AUH: variants seen among roughly 807,000 people sequenced by gnomAD.
AUH encodes methylglutaconyl-CoA hydratase, mitochondrial.
In AUH, 29 loss-of-function variants were observed where a neutral mutation model predicts 42.3. The ratio of observed to expected loss-of-function variants is 0.69; its 90% CI spans 0.51 to 0.93. The LOEUF is 0.93. Among genes scored for constraint, AUH ranks in the 40% least tolerant of loss-of-function variants. AUH has a pLI of 0.00. For synonymous variants in AUH, 174 were observed against 166.4 expected (o/e 1.05, Z -0.35); for missense variants, 452 against 438.1 (o/e 1.03, Z -0.28).
chr9:91,347,640 G>C (rs1275505390), intron 3 of AUH, among the ~76,000 whole-genome samples: 2 of 152,060 alleles, frequency 1.3e-5, no homozygotes, highest in Non-Finnish European at 2.9e-5. Context: ...CCAAGAACAA[G>C]GGCAAAGACC....
chr9:91,254,183 G>C lies in AUH; in HGVS notation c.656-33191C>G, dbSNP rs115105259. On this transcript the variant is annotated intron_variant, in intron 6 of 9. Transcript: ENST00000375731. ...CATCTGTGAAGAATATCTCTGGATGGTGTGCACAAACTTACTGGTTGACTT... is the reference window on the plus strand; with the variant it reads ...CATCTGTGAAGAATATCTCTGGATGCTGTGCACAAACTTACTGGTTGACTT... 3.0e-3 allele frequency among the ~76,000 whole-genome samples: 454 copies of C among 152,296 alleles called. 5 individuals carry two copies. Among genetic ancestry groups the C allele is most frequent in the African/African-American group, 0.01 (435 of 41,552 alleles).
intron 6 of AUH, among the ~76,000 whole-genome samples, chr9:91,254,779 TTAAC>T (rs1422493843): frequency 1.3e-5 from 2 of 152,212 alleles, no homozygotes; most frequent in East Asian, 1.9e-4. Flanking sequence ...AGCACATCTC[TTAAC>T]TAACAAAAAT....
intron 3 of AUH, among the ~76,000 whole-genome samples, chr9:91,326,383 A>C (rs1829967088): frequency 6.6e-6 from 1 of 152,132 alleles, no homozygotes; most frequent in African/African-American, 2.4e-5. Flanking sequence ...CCAAGAAAAT[A>C]TGTACAATAA....
At chr9:91,274,369 A>G (rs1825386350) in intron 6 of AUH, among the ~76,000 whole-genome samples, 1 of 152,230 alleles carries the variant, frequency 6.6e-6, no homozygotes, top group African/African-American at 2.4e-5. Flanking sequence ...ATGACACATC[A>G]ATGACCTCAT....
intron 6 of AUH, among the ~76,000 whole-genome samples, chr9:91,252,577 C>T (rs1186826215): frequency 6.6e-6 from 1 of 152,122 alleles, no homozygotes; most frequent in Admixed American, 6.5e-5. Flanking sequence ...CTGTGTGTGG[C>T]CATCTTCACT....
intron 6 of AUH, among the ~76,000 whole-genome samples, chr9:91,276,150 C>T (rs1240600995): frequency 6.6e-6 from 1 of 151,998 alleles, no homozygotes; most frequent in African/African-American, 2.4e-5. Context: ...AGGAACAGGT[C>T]GAGCGCGGTG....
intron 6 of AUH, among the ~76,000 whole-genome samples, chr9:91,235,999 T>A (rs564374928): frequency 6.6e-6 from 1 of 152,220 alleles, no homozygotes; most frequent in Admixed American, 6.5e-5. Flanking sequence ...CTTGTGATGC[T>A]ACAGAGTATT....
intron 6 of AUH, among the ~76,000 whole-genome samples, chr9:91,279,534 T>A (rs911419533): frequency 6.6e-6 from 1 of 152,154 alleles, no homozygotes; most frequent in East Asian, 1.9e-4. Flanking sequence ...CTTACAATCA[T>A]GGCAGAAGGC....
Position 91,220,934 on chromosome 9 carries a change from G to T in AUH, c.714C>A (p.Phe238Leu). Residue 238 changes from phenylalanine (F) to leucine (L), a missense_variant, in exon 7 of 10, where the codon TTC becomes TTA. Physicochemically the swap from Phe to Leu is conservative, Grantham distance 22. Transcript: ENST00000375731. ...CTTTGCCATCGAGGACTCGCGCAGAGAATATGAGCTCCTTGGCCAGGGACA... is the reference window on the plus strand; with the variant it reads ...CTTTGCCATCGAGGACTCGCGCAGATAATATGAGCTCCTTGGCCAGGGACA... The part of the protein sequence containing the change: ...IGMSLAKELI[F>L]SARVLDGKEA... 6.2e-7 allele frequency: 1 copy of T among 1,614,226 alleles called. No individual in the cohort carries two copies. Among genetic ancestry groups the T allele is most frequent in the Non-Finnish European group, 8.5e-7 (1 of 1,180,046 alleles).
chr9:91,275,358 T>C (rs1238369684), intron 6 of AUH, among the ~76,000 whole-genome samples: 1 of 152,204 alleles, frequency 6.6e-6, no homozygotes, highest in Admixed American at 6.5e-5. Context: ...ACTGATGTGA[T>C]ACATGACTGA....
At chr9:91,308,510 A>C (rs548090984) in intron 4 of AUH, among the ~76,000 whole-genome samples, 1 of 152,218 alleles carries the variant, frequency 6.6e-6, no homozygotes, top group South Asian at 2.1e-4. Flanking sequence ...TCTGTAAGTC[A>C]CCATGCAGAA....
At chr9:91,244,149 A>T (rs1828668875) in intron 6 of AUH, among the ~76,000 whole-genome samples, 2 of 152,210 alleles carry the variant, frequency 1.3e-5, no homozygotes, top group Admixed American at 6.5e-5. Flanking sequence ...CCATAAAACA[A>T]CTAAAATCTC....
chr9:91,242,167 C>T (rs1384479800), intron 6 of AUH, among the ~76,000 whole-genome samples: 1 of 152,178 alleles, frequency 6.6e-6, no homozygotes, highest in African/African-American at 2.4e-5. Flanking sequence ...AAGCCATAGT[C>T]TTTTTACAAC....
At chr9:91,227,561 T>C (rs1230858833) in intron 6 of AUH, among the ~76,000 whole-genome samples, 7 of 125,524 alleles carry the variant, frequency 5.6e-5, no homozygotes, top group Non-Finnish European at 1.0e-4. Context: ...TCCTGCCTAA[T>C]TGCCCTGGCC....
In AUH at chr9:91,220,855, C is replaced by T. The variant is rs1827092572; in HGVS notation, c.793G>A (p.Asp265Asn). 3.7e-6 allele frequency: 6 copies of T among 1,614,262 alleles called. No homozygotes were observed. Among genetic ancestry groups the T allele is most frequent in the Non-Finnish European group, 5.1e-6 (6 of 1,180,048 alleles). Reference sequence around the variant, plus strand: ...TCCAAGGCCTTCCTGTAGGCCGCGTCTCCCTCCTGGTTCTGTTCCAGAACG... The same window carrying T: ...TCCAAGGCCTTCCTGTAGGCCGCGTTTCCCTCCTGGTTCTGTTCCAGAACG... ...SHVLEQNQEG[D>N]AAYRKALDLA... is the part of the protein sequence containing the mutation. Residue 265 changes from aspartate to asparagine, a missense_variant, in exon 7 of 10, where the codon GAC (aspartate) becomes AAC (asparagine). Physicochemically the swap from Asp to Asn is conservative, Grantham distance 23 (BLOSUM62 1). Transcript: ENST00000375731.
intron 6 of AUH, among the ~76,000 whole-genome samples, chr9:91,227,846 G>A (rs1165608712): frequency 6.6e-6 from 1 of 152,006 alleles, no homozygotes; most frequent in Non-Finnish European, 1.5e-5. Flanking sequence ...TTTATGTGCT[G>A]GATTACATTT....
chr9:91,340,348 CACA>C (rs1831015832), intron 3 of AUH, among the ~76,000 whole-genome samples: 1 of 152,130 alleles, frequency 6.6e-6, no homozygotes, highest in South Asian at 2.1e-4. Context: ...TGTTTACAGT[CACA>C]AAAAGGTAAC....
intron 6 of AUH, among the ~76,000 whole-genome samples, chr9:91,259,099 T>C (rs1425153308): frequency 2.0e-5 from 3 of 152,200 alleles, no homozygotes; most frequent in Non-Finnish European, 2.9e-5. Context: ...AATGATAATA[T>C]TTCTTCCTTA....
chr9:91,296,921 C>T (rs1827382822), intron 5 of AUH, among the ~76,000 whole-genome samples: 1 of 152,186 alleles, frequency 6.6e-6, no homozygotes, highest in African/African-American at 2.4e-5. Context: ...GAACTCCTGG[C>T]CTCAATCAAT....
Sources: allele counts gnomAD v4.1 joint callset (sites outside exome capture counted in the v4.1 genomes callset), GRCh38; gene constraint gnomAD v4.1.1; transcripts MANE v1.5; gene names NCBI Gene and HGNC (gene_info 2026-07-23, HGNC 2026-07-21).